The following TMEM232 variants were observed in gnomAD, a reference collection of about 807,000 sequenced individuals.
TMEM232 encodes transmembrane protein 232.
TMEM232 carries 80 observed loss-of-function variants against 78.8 expected under a neutral mutation model. The ratio of observed to expected loss-of-function variants is 1.01; its 90% CI spans 0.85 to 1.22. The LOEUF (loss-of-function observed/expected upper bound fraction) is 1.22. Among genes scored for constraint, TMEM232 ranks in the 50% most tolerant of loss-of-function variants. The probability of loss-of-function intolerance (pLI) is 0.00; values close to 1 mark genes in which losing one functional copy is unlikely to be tolerated. For synonymous variants in TMEM232, 297 were observed against 254.3 expected (o/e 1.17, Z -1.60); for missense variants, 881 against 742.2 (o/e 1.19, Z -2.17).
intron 2 of TMEM232, among the ~76,000 whole-genome samples, chr5:110,652,976 G>A (rs1239032436): frequency 6.6e-6 from 1 of 152,200 alleles, no homozygotes; most frequent in African/African-American, 2.4e-5. Context: ...CAAACTGACT[G>A]TATTTACATT....
At chr5:110,447,092 G>T (rs1195456847) in intron 12 of TMEM232, among the ~76,000 whole-genome samples, 1 of 150,686 alleles carries the variant, frequency 6.6e-6, no homozygotes, top group Non-Finnish European at 1.5e-5. Context: ...TACTAATTTT[G>T]CCATATATAC....
chr5:110,411,749 T>C (rs1756003329), intron 2 of TMEM232, among the ~76,000 whole-genome samples: 1 of 152,208 alleles, frequency 6.6e-6, no homozygotes, highest in African/African-American at 2.4e-5. Flanking sequence ...TTATTCCATA[T>C]TGTAGCATGT....
chr5:110,389,178 T>C (rs1580536396), intron 4 of TMEM232, among the ~76,000 whole-genome samples: 5 of 152,168 alleles, frequency 3.3e-5, no homozygotes, highest in Admixed American at 3.3e-4. Context: ...GGAAAATCTC[T>C]TGAACCTAGG....
chr5:110,668,827 C>T, intron 1 of TMEM232, among the ~76,000 whole-genome samples: 1 of 152,162 alleles, frequency 6.6e-6, no homozygotes, highest in East Asian at 1.9e-4. Flanking sequence ...AAGAAACTCA[C>T]TCAGAACCGC....
chr5:110,448,645 A>C (rs1759929097), intron 12 of TMEM232, among the ~76,000 whole-genome samples: 1 of 152,028 alleles, frequency 6.6e-6, no homozygotes, highest in African/African-American at 2.4e-5. Flanking sequence ...TTAAAATACG[A>C]GAAGATGAAG....
chr5:110,702,405 T>A (rs572173187), intron 1 of TMEM232, among the ~76,000 whole-genome samples: 2 of 152,004 alleles, frequency 1.3e-5, no homozygotes, highest in Admixed American at 6.6e-5. Flanking sequence ...TTAAGGCCAC[T>A]CAGGAAATTG....
At chr5:110,655,248 T>C (rs1309424745) in intron 2 of TMEM232, among the ~76,000 whole-genome samples, 60 of 151,710 alleles carry the variant, frequency 4.0e-4, no homozygotes, top group Non-Finnish European at 6.2e-4. Context: ...GGGCAAAGGA[T>C]ATGAACAGAC....
At chr5:110,605,511 T>C (rs1453072507) in intron 9 of TMEM232, among the ~76,000 whole-genome samples, 153 bp from the exon 10 acceptor site, 2 of 152,144 alleles carry the variant, frequency 1.3e-5, no homozygotes, top group Non-Finnish European at 2.9e-5. Context: ...GTAGACTGCA[T>C]AAAATACAGT....
chr5:110,507,120 A>G (rs1322418486), intron 12 of TMEM232, among the ~76,000 whole-genome samples: 2 of 152,186 alleles, frequency 1.3e-5, no homozygotes, highest in African/African-American at 4.8e-5. Flanking sequence ...CGCAGAATTT[A>G]GAGATTTTTC....
In TMEM232 at chr5:110,668,329, A is replaced by C. The variant is rs553770293; in HGVS notation, c.-12-965T>G. Reference sequence around the variant, plus strand: ...GCTTAATAAAAAGCTTTGGCCTTTAAGTGAGAAATGCAGCTAATCTGAGGT... The same window carrying C: ...GCTTAATAAAAAGCTTTGGCCTTTACGTGAGAAATGCAGCTAATCTGAGGT... On this transcript the variant is annotated intron_variant, in intron 1 of 13. Coordinates refer to ENST00000455884, the MANE Select transcript of TMEM232 (RefSeq NM_001039763.4). Among the ~76,000 whole-genome samples the C allele has an allele frequency of 2.6e-5, 4 of 152,282 alleles. No homozygotes were observed. In the East Asian group the frequency reaches 7.7e-4, roughly 29 times the overall value.
chr5:110,565,902 G>T (rs1235526821), intron 11 of TMEM232, among the ~76,000 whole-genome samples: 1 of 151,706 alleles, frequency 6.6e-6, no homozygotes, highest in East Asian at 1.9e-4. Flanking sequence ...CCTTTCTACA[G>T]TCAATTTTCA....
At chr5:110,664,542 G>A (rs1446104774) in intron 2 of TMEM232, among the ~76,000 whole-genome samples, 1 of 152,204 alleles carries the variant, frequency 6.6e-6, no homozygotes, top group Non-Finnish European at 1.5e-5. Flanking sequence ...TTCAAGAAAA[G>A]TATTGGAAAC....
chr5:110,656,945 T>A (rs1789158378), intron 2 of TMEM232, among the ~76,000 whole-genome samples: 1 of 152,156 alleles, frequency 6.6e-6, no homozygotes, highest in Non-Finnish European at 1.5e-5. Flanking sequence ...AACATAATAA[T>A]TGTACGTATT....
intron 11 of TMEM232, among the ~76,000 whole-genome samples, chr5:110,531,327 C>T: frequency 6.6e-6 from 1 of 152,220 alleles, no homozygotes. Context: ...CACGGACACA[C>T]ATGAAATTTG....
chr5:110,580,806 CA>C (rs1158461708), intron 10 of TMEM232, among the ~76,000 whole-genome samples: 9 of 151,340 alleles, frequency 5.9e-5, no homozygotes, highest in African/African-American at 2.2e-4. Context: ...AACGTCTTCA[CA>C]AATTCAAGAA....
intron 12 of TMEM232, among the ~76,000 whole-genome samples, chr5:110,429,545 A>G (rs147439159): frequency 1.3e-3 from 203 of 151,902 alleles, no homozygotes; most frequent in Admixed American, 2.2e-3. Context: ...TTATTCCTAC[A>G]TCTCACACCC....
intron 10 of TMEM232, among the ~76,000 whole-genome samples, chr5:110,593,800 T>C (rs1423921173): frequency 6.6e-6 from 1 of 152,162 alleles, no homozygotes; most frequent in East Asian, 1.9e-4. Flanking sequence ...CTTGTACTTT[T>C]ACAAATAACT....
intron 12 of TMEM232, among the ~76,000 whole-genome samples, chr5:110,521,708 T>C (rs958970293): frequency 6.6e-6 from 1 of 152,148 alleles, no homozygotes; most frequent in African/African-American, 2.4e-5. Context: ...TTGAAGAGAA[T>C]CTTCTTTCTC....
intron 11 of TMEM232, among the ~76,000 whole-genome samples, chr5:110,540,403 G>C (rs1431590993): frequency 6.6e-6 from 1 of 152,122 alleles, no homozygotes; most frequent in Non-Finnish European, 1.5e-5. Context: ...AGATGATGGA[G>C]GGAAGTTTAA....
Sources: gnomAD v4.1 joint callset for allele counts (sites outside exome capture counted in the v4.1 genomes callset) on GRCh38, gnomAD v4.1.1 for gene constraint, MANE v1.5 for transcripts, NCBI Gene and HGNC (gene_info 2026-07-23, HGNC 2026-07-21) for gene names.